FHIT: variants seen among roughly 807,000 people sequenced by gnomAD.
FHIT encodes the protein bis(5'-adenosyl)-triphosphatase.
A neutral mutation model predicts 17.9 loss-of-function variants in FHIT; 19 were observed. That is an observed-to-expected ratio of 1.06 (90% CI 0.74 to 1.56). The LOEUF (loss-of-function observed/expected upper bound fraction) is 1.56, where lower values mean the gene tolerates loss of function less well. Ranked by LOEUF, FHIT falls within the 40% of genes most tolerant of loss-of-function variation. FHIT has a pLI of 0.00. For synonymous variants in FHIT, 81 were observed against 69.7 expected, an observed-to-expected ratio of 1.16 and a Z score of -0.81; for missense variants, 248 against 189.2, an observed-to-expected ratio of 1.31 and a Z score of -1.82.
At chr3:60,513,866 C>G (rs1219981503) in intron 5 of FHIT, among the ~76,000 whole-genome samples, 3 of 152,108 alleles carry the variant, frequency 2.0e-5, no homozygotes, top group Non-Finnish European at 4.4e-5. Context: ...CCATAAGAAC[C>G]CCAAACCCCA....
chr3:60,945,727 G>A (rs1553775623), intron 3 of FHIT, among the ~76,000 whole-genome samples: 1 of 152,156 alleles, frequency 6.6e-6, no homozygotes, highest in Admixed American at 6.5e-5. Flanking sequence ...ATACAGGTAG[G>A]CTTGTAGATT....
intron 4 of FHIT, among the ~76,000 whole-genome samples, chr3:60,643,719 T>C (rs1476123557): frequency 1.1e-4 from 16 of 152,232 alleles, no homozygotes; most frequent in Admixed American, 9.8e-4. Flanking sequence ...CAATTATTTA[T>C]ACTCCTTCTA....
chr3:59,994,163 C>T (rs1699405693), intron 7 of FHIT, among the ~76,000 whole-genome samples: 1 of 152,088 alleles, frequency 6.6e-6, no homozygotes, highest in South Asian at 2.1e-4. Flanking sequence ...CAAAGCATTA[C>T]TCCCAGAATA....
intron 2 of FHIT, among the ~76,000 whole-genome samples, chr3:61,166,113 T>G (rs2107114228): frequency 6.6e-6 from 1 of 152,336 alleles, no homozygotes; most frequent in South Asian, 2.1e-4. Flanking sequence ...GTCTTCTAGC[T>G]GATGCCACCG....
At chr3:60,606,374 G>A (rs1448420015) in intron 4 of FHIT, among the ~76,000 whole-genome samples, 4 of 151,822 alleles carry the variant, frequency 2.6e-5, no homozygotes, top group Admixed American at 1.3e-4. Context: ...CCAAGTAGCT[G>A]GGACTACAGA....
chr3:60,155,425 C>A (rs6802579), intron 5 of FHIT, among the ~76,000 whole-genome samples: 1 of 152,086 alleles, frequency 6.6e-6, no homozygotes, highest in African/African-American at 2.4e-5. Flanking sequence ...GCAGCAAAGT[C>A]TGACTTGAAG....
intron 3 of FHIT, among the ~76,000 whole-genome samples, chr3:60,832,049 C>G (rs2106820401): frequency 6.6e-6 from 1 of 152,204 alleles, no homozygotes; most frequent in Middle Eastern, 3.4e-3. Flanking sequence ...AGAGATAATA[C>G]TAGAGCCCTT....
chr3:60,565,699 T>C (rs1302500162), intron 4 of FHIT, among the ~76,000 whole-genome samples: 1 of 152,240 alleles, frequency 6.6e-6, no homozygotes, highest in Non-Finnish European at 1.5e-5. Flanking sequence ...TGCTAGACTT[T>C]TCAAAAAACC....
intron 4 of FHIT, among the ~76,000 whole-genome samples, chr3:60,603,811 T>G (rs1296761652): frequency 6.6e-6 from 1 of 152,088 alleles, no homozygotes; most frequent in Non-Finnish European, 1.5e-5. Flanking sequence ...AATAACACTA[T>G]AAGGCTCTGT....
rs528277369 is a variant in FHIT at position 60,046,933 on chromosome 3, C to T, written c.104-32781G>A. 2.6e-5 allele frequency among the ~76,000 whole-genome samples: 4 copies of T among 152,218 alleles called. No homozygotes were observed. In the South Asian group the frequency reaches 6.2e-4, roughly 24 times the overall value. ...CATTACAAGATAACAAAAAGTTATGCGATTTTAGGAAATCAAGTATATAAA... is the reference window on the plus strand; with the variant it reads ...CATTACAAGATAACAAAAAGTTATGTGATTTTAGGAAATCAAGTATATAAA... On this transcript the variant is annotated intron_variant, in intron 5 of 9. Transcript: ENST00000492590.
intron 5 of FHIT, among the ~76,000 whole-genome samples, chr3:60,211,638 A>C (rs1260263152): frequency 6.6e-6 from 1 of 152,206 alleles, no homozygotes; most frequent in African/African-American, 2.4e-5. Flanking sequence ...TTGTAGTAGG[A>C]CTGGTATCGA....
At chr3:60,446,721 T>C (rs1233842073) in intron 5 of FHIT, among the ~76,000 whole-genome samples, 1 of 151,982 alleles carries the variant, frequency 6.6e-6, no homozygotes, top group Non-Finnish European at 1.5e-5. Flanking sequence ...GGTATGCTCA[T>C]GCACACTTAT....
chr3:61,073,731 C>T (rs1194767238), intron 2 of FHIT, among the ~76,000 whole-genome samples: 1 of 152,298 alleles, frequency 6.6e-6, no homozygotes. Context: ...CAGTGTCCTG[C>T]TGGCCCTATT....
intron 2 of FHIT, among the ~76,000 whole-genome samples, chr3:61,056,017 A>G (rs1374808646): frequency 1.3e-5 from 2 of 152,208 alleles, no homozygotes; most frequent in Non-Finnish European, 2.9e-5. Flanking sequence ...TGCACAGATA[A>G]ATTGTTTTTC....
chr3:61,125,997 T>A (rs1160369622), intron 2 of FHIT, among the ~76,000 whole-genome samples: 1 of 152,132 alleles, frequency 6.6e-6, no homozygotes, highest in East Asian at 1.9e-4. Flanking sequence ...GGGTATTAAG[T>A]AAGTGACCAA....
At position 60,042,843 on chromosome 3, in the gene FHIT, G is replaced by A. The variant is rs577498095; in HGVS notation, c.104-28691C>T. Among the ~76,000 whole-genome samples the A allele has an allele frequency of 3.7e-4, 57 of 152,258 alleles. No individual in the cohort carries two copies. In the South Asian group the frequency reaches 0.012, roughly 31 times the overall value. ...AAAAACTTTAAAAGCTAGTGGCTGG[G>A]ATAATGTCTAATGCCCCAAAGTGGA... On this transcript the variant is annotated intron_variant, in intron 5 of 9. Transcript: ENST00000492590.
At chr3:59,883,885 T>C (rs947665990) in intron 8 of FHIT, among the ~76,000 whole-genome samples, 3 of 152,220 alleles carry the variant, frequency 2.0e-5, no homozygotes, top group Admixed American at 1.3e-4. Flanking sequence ...TGGTGAATAG[T>C]ACAAAAAATT....
chr3:60,721,489 C>G lies in FHIT; in HGVS notation c.-18+100430G>C, dbSNP rs1400662834. Reference sequence around the variant, plus strand: ...GAGAACCATTTACAATTATAACCTACCAAGTCAGAGCTGATACCAAGCCAA... The same window carrying G: ...GAGAACCATTTACAATTATAACCTAGCAAGTCAGAGCTGATACCAAGCCAA... On this transcript the variant is annotated intron_variant, in intron 4 of 9. Transcript: ENST00000492590. 3.3e-5 allele frequency among the ~76,000 whole-genome samples: 5 copies of G among 152,212 alleles called. 1 individual carries two copies. The East Asian group carries it at 9.7e-4, about 29-fold the overall frequency.
chr3:59,896,445 A>G (rs1253869970), intron 8 of FHIT, among the ~76,000 whole-genome samples: 2 of 152,230 alleles, frequency 1.3e-5, no homozygotes, highest in South Asian at 2.1e-4. Flanking sequence ...TCAATTCAAC[A>G]TAAGACTGAA....
Sources: allele counts gnomAD v4.1 joint callset (sites outside exome capture counted in the v4.1 genomes callset), GRCh38; gene constraint gnomAD v4.1.1; transcripts MANE v1.5; gene names NCBI Gene and HGNC (gene_info 2026-07-23, HGNC 2026-07-21).